BLM: variants seen among roughly 807,000 people sequenced by gnomAD.
The protein encoded by BLM is recQ-like DNA helicase BLM.
A neutral mutation model predicts 135.3 loss-of-function variants in BLM; 95 were observed. The observed-to-expected ratio is 0.70, with a 90% CI of 0.59 to 0.83. The LOEUF is 0.83. Ranked by LOEUF, BLM falls within the 40% of genes least tolerant of loss-of-function variation. The pLI is 0.00. For missense variants in BLM, 1,518 were observed against 1,663.9 expected (o/e 0.91, Z 1.53); for synonymous variants, 520 against 589.2 (o/e 0.88, Z 1.70).
At chr15:90,792,732 T>TA (rs1379884491) in intron 15 of BLM, among the ~76,000 whole-genome samples, 2 of 152,108 alleles carry the variant, frequency 1.3e-5, no homozygotes, top group Non-Finnish European at 2.9e-5. Flanking sequence ...ATCTTCACAA[T>TA]AACCCTCAGA....
intron 1 of BLM, among the ~76,000 whole-genome samples, chr15:90,739,907 G>A (rs1895319811): frequency 6.6e-6 from 1 of 152,046 alleles, no homozygotes; most frequent in Non-Finnish European, 1.5e-5. Context: ...GGGACAACAG[G>A]CATGCACCAT....
At chr15:90,801,064 A>T (rs760702963) in intron 17 of BLM, among the ~76,000 whole-genome samples, 6 of 151,606 alleles carry the variant, frequency 4.0e-5, no homozygotes, top group Non-Finnish European at 8.8e-5. Flanking sequence ...CAGAAGAATC[A>T]CTTGAATCTG....
intron 12 of BLM, among the ~76,000 whole-genome samples, chr15:90,774,094 AG>A (rs1896404878): frequency 1.8e-5 from 1 of 55,226 alleles, no homozygotes; most frequent in South Asian, 5.5e-4. Context: ...TTTTTTTTTG[AG>A]GCGGAGTCTC....
chr15:90,802,447 A>T (rs1354786354), intron 17 of BLM, among the ~76,000 whole-genome samples: 1 of 152,238 alleles, frequency 6.6e-6, no homozygotes, highest in Non-Finnish European at 1.5e-5. Context: ...GGCTAGTAAG[A>T]GAAAGAGGGA....
At chr15:90,808,762 C>T (rs1487216912) in intron 19 of BLM, 4 of 335,144 alleles carry the variant, frequency 1.2e-5, no homozygotes, top group South Asian at 8.2e-5. Context: ...AATAGAAATG[C>T]AGCGTTCTCA....
intron 10 of BLM, among the ~76,000 whole-genome samples, chr15:90,767,952 CT>C (rs796611948): frequency 1.9e-3 from 265 of 138,132 alleles, no homozygotes; most frequent in Admixed American, 2.5e-3. Context: ...CTTTTTTTTT[CT>C]TTTTTTTTTT....
chr15:90,798,863 A>G (rs950461141), intron 17 of BLM, among the ~76,000 whole-genome samples: 10 of 152,122 alleles, frequency 6.6e-5, no homozygotes, highest in African/African-American at 2.4e-4. Context: ...TGCACCTGTA[A>G]TCCCAGCTAC....
rs2029894998 is a variant in BLM, at chr15:90,815,600, G to A, written c.*321G>A. ...AAGGAAGAGCCACGCGTGGGCCCTT[G>A]TGAAACTAAAGCTTTTCGTGTAAGA... On this transcript the variant is annotated 3_prime_UTR_variant, in exon 22 of 22. Transcript: ENST00000355112. The surrounding 1 kb of genome is among the most constrained non-coding windows in gnomAD (Gnocchi z 4.6). 2.8e-6 allele frequency: 1 copy of A among 353,532 alleles called. No individual in the cohort carries two copies. The highest frequency in any genetic ancestry group is 5.2e-6 in the Non-Finnish European group (1 of 192,178). 21.9% of individuals were successfully genotyped at this position (353,532 alleles called of 1,614,324 possible). A position where few individuals can be genotyped will look rare whatever the true frequency, so the allele number is the denominator to read the frequency against.
At chr15:90,813,270 T>C (rs1028359519) in intron 21 of BLM, among the ~76,000 whole-genome samples, 2 of 152,204 alleles carry the variant, frequency 1.3e-5, no homozygotes, top group South Asian at 4.1e-4. Flanking sequence ...TCACAACTTT[T>C]GTTTGTAAGA....
At chr15:90,721,731 G>A (rs1894772282) in intron 1 of BLM, among the ~76,000 whole-genome samples, 2 of 151,906 alleles carry the variant, frequency 1.3e-5, no homozygotes, top group African/African-American at 4.8e-5. Context: ...AGGAGTTCGA[G>A]ACCAGTGTGG....
intron 1 of BLM, among the ~76,000 whole-genome samples, chr15:90,736,045 G>A (rs984760537): frequency 1.3e-5 from 2 of 152,212 alleles, no homozygotes; most frequent in African/African-American, 4.8e-5. Context: ...AACAGGAAGT[G>A]TAAATTTAAA....
intron 1 of BLM, among the ~76,000 whole-genome samples, chr15:90,723,838 G>A (rs929893771): frequency 6.6e-5 from 10 of 152,032 alleles, no homozygotes; most frequent in Non-Finnish European, 1.3e-4. Context: ...CAACCACTGT[G>A]CCCCTCTTTG....
chr15:90,811,124 G>T, intron 20 of BLM, 81 bp from the exon 21 acceptor site: 1 of 1,459,130 alleles, frequency 6.9e-7, no homozygotes, highest in African/African-American at 1.4e-5. Context: ...ATGGGCCCCT[G>T]CAGCGTGTCT....
rs761194653 is a variant in BLM at position 90,769,118 on chromosome 15, G to A, written c.2308-15G>A. 3.2e-6 allele frequency: 5 copies of A among 1,562,454 alleles called. No individual in the cohort carries two copies. Among genetic ancestry groups the A allele is most frequent in the South Asian group, 1.1e-5 (1 of 89,996 alleles). ...GTTTCAGTGTTTTTACATGTCTAAT[G>A]TATTTCTGGCCTAGATCTGTGCAAG... On this transcript the variant is annotated splice_polypyrimidine_tract_variant and intron_variant, in intron 10 of 21. Transcript: ENST00000355112.
intron 19 of BLM, among the ~76,000 whole-genome samples, chr15:90,807,700 A>T (rs1897315072): frequency 6.6e-6 from 1 of 152,214 alleles, no homozygotes; most frequent in African/African-American, 2.4e-5. Context: ...ACGCTCAGCC[A>T]GATAGTGCTT....
chr15:90,789,475 C>T (rs1896843092), intron 14 of BLM, among the ~76,000 whole-genome samples: 1 of 152,184 alleles, frequency 6.6e-6, no homozygotes, highest in African/African-American at 2.4e-5. Context: ...TCGGCTGACA[C>T]ATCTTGCTGT....
intron 1 of BLM, among the ~76,000 whole-genome samples, chr15:90,724,573 C>CT (rs1224710543): frequency 6.6e-6 from 1 of 152,146 alleles, no homozygotes; most frequent in African/African-American, 2.4e-5. Flanking sequence ...CATTCCAGAC[C>CT]CCCCACTTCA....
Position 90,763,110 on chromosome 15 carries a change from T to A in BLM, c.2027T>A (p.Ile676Asn). 6.2e-7 allele frequency: 1 copy of A among 1,614,132 alleles called. No homozygotes were observed. Residue 676 changes from isoleucine to asparagine, a missense_variant, in exon 8 of 22, where the codon ATC becomes AAC. Ile to Asn is a moderately radical substitution (Grantham distance 149, BLOSUM62 -3). This residue lies in a region of BLM where 13 missense variants were observed against 35.8 expected (regional missense o/e 0.36). Transcript: ENST00000355112. The stretch of plus-strand genomic sequence containing the variant: ...TTTAGAACTAATCAGCTAGAGGCGA[T>A]CAATGCTGCACTGCTTGGTGAAGAC... ...HNFRTNQLEA[I>N]NAALLGEDCF...
intron 12 of BLM, among the ~76,000 whole-genome samples, chr15:90,780,081 CTTT>C (rs1164879678): frequency 1.5e-5 from 2 of 135,416 alleles, no homozygotes; most frequent in African/African-American, 5.4e-5. Flanking sequence ...AGCAGGATGT[CTTT>C]TTTTTTTTTT....
Sources: gnomAD v4.1 joint callset for allele counts (sites outside exome capture counted in the v4.1 genomes callset) on GRCh38, gnomAD v4.1.1 for gene constraint, gnomAD v4.1.1 regional missense constraint, Gnocchi (gnomAD v3.1) non-coding constraint, MANE v1.5 for transcripts, NCBI Gene and HGNC (gene_info 2026-07-23, HGNC 2026-07-21) for gene names.